The following PCGF3 variants were observed in gnomAD, a reference collection of about 807,000 sequenced individuals.
PCGF3 encodes the protein polycomb group RING finger protein 3.
A neutral mutation model predicts 33.1 loss-of-function variants in PCGF3; 7 were observed. The ratio of observed to expected loss-of-function variants is 0.21; its 90% CI spans 0.12 to 0.40. PCGF3 has a LOEUF of 0.40. Ranked by LOEUF, PCGF3 falls within the 10% of genes least tolerant of loss-of-function variation. The pLI is 1.00. For missense variants in PCGF3, 211 were observed against 313.3 expected (o/e 0.67, Z 2.46); for synonymous variants, 153 against 121.3 (o/e 1.26, Z -1.72).
intron 9 of PCGF3, among the ~76,000 whole-genome samples, chr4:763,936 T>G (rs1745210629): frequency 6.6e-6 from 1 of 152,158 alleles, no homozygotes; most frequent in South Asian, 2.1e-4. Context: ...TCCCTGTTAC[T>G]AAGTAGAGAA....
At chr4:744,663 A>C in exon 8 of PCGF3, 1 of 1,558,756 alleles carries the variant, frequency 6.4e-7, no homozygotes, top group South Asian at 1.2e-5. Context: ...GAGGAGGACA[A>C]CGACTACCAC....
chr4:739,860 G>A (rs1744010538), intron 6 of PCGF3, among the ~76,000 whole-genome samples: 1 of 152,230 alleles, frequency 6.6e-6, no homozygotes. Context: ...AGAGGTTCCG[G>A]AGTGCTCCAG....
chr4:764,145 G>A (rs1380809039), intron 9 of PCGF3, among the ~76,000 whole-genome samples: 2 of 152,288 alleles, frequency 1.3e-5, no homozygotes, highest in African/African-American at 2.4e-5. Flanking sequence ...CTCTGGACTC[G>A]GTGGAGGTGA....
intron 8 of PCGF3, among the ~76,000 whole-genome samples, chr4:758,355 G>C (rs1282368091): frequency 5.1e-5 from 7 of 136,030 alleles, no homozygotes; most frequent in Non-Finnish European, 9.4e-5. Context: ...CGGACTCCAG[G>C]TCTTTCTCCC....
intron 1 of PCGF3, among the ~76,000 whole-genome samples, chr4:712,701 C>T (rs995866556): frequency 6.6e-6 from 1 of 152,154 alleles, no homozygotes; most frequent in African/African-American, 2.4e-5. Flanking sequence ...CCGCCTTGGC[C>T]TCCCAAAGTG....
exon 11 of PCGF3, chr4:766,080 A>G (rs779063874): frequency 1.9e-6 from 3 of 1,613,828 alleles, no homozygotes; most frequent in Non-Finnish European, 1.7e-6. Context: ...CTTGCTGTGA[A>G]TGGTGCCACA....
intron 1 of PCGF3, among the ~76,000 whole-genome samples, chr4:728,390 G>A (rs1472142753): frequency 1.2e-4 from 18 of 151,722 alleles, no homozygotes; most frequent in Admixed American, 5.9e-4. Flanking sequence ...GTTAAGTGTC[G>A]TAAGTAATCT....
exon 11 of PCGF3, chr4:766,930 C>G (rs919688858): frequency 6.6e-6 from 1 of 152,288 alleles, no homozygotes; most frequent in Non-Finnish European, 1.5e-5. Flanking sequence ...CCTATGTTTT[C>G]TTTCCCTGTT....
chr4:731,420 C>T (rs1743553275), intron 3 of PCGF3: 2 of 369,250 alleles, frequency 5.4e-6, no homozygotes, highest in Admixed American at 9.3e-5. Context: ...GGCCTCAGCC[C>T]AGTGAGTTGT....
intron 8 of PCGF3, among the ~76,000 whole-genome samples, chr4:758,588 C>T (rs1356025038): frequency 7.1e-6 from 1 of 141,026 alleles, no homozygotes; most frequent in Non-Finnish European, 1.6e-5. Flanking sequence ...GGCCCCTCCC[C>T]CGAGTTCTTC....
intron 5 of PCGF3, among the ~76,000 whole-genome samples, chr4:736,000 G>A (rs1743806063): frequency 2.0e-5 from 3 of 152,218 alleles, no homozygotes; most frequent in Middle Eastern, 6.8e-3. Flanking sequence ...TTTGAAGGAG[G>A]AAAGGCAGAT....
intron 4 of PCGF3, chr4:734,613 T>G (rs1034909547): frequency 2.5e-6 from 3 of 1,187,334 alleles, no homozygotes; most frequent in Admixed American, 4.1e-5. Flanking sequence ...TAAAATTATC[T>G]GTTTTAGCCC....
At chr4:714,488 C>A (rs1248373917) in intron 1 of PCGF3, among the ~76,000 whole-genome samples, 1 of 152,214 alleles carries the variant, frequency 6.6e-6, no homozygotes, top group Non-Finnish European at 1.5e-5. Context: ...GACGGTGGCA[C>A]CTACTTCACG....
At chr4:748,769 C>G (rs576987059) in intron 8 of PCGF3, among the ~76,000 whole-genome samples, 291 of 152,292 alleles carry the variant, frequency 1.9e-3, no homozygotes, top group Non-Finnish European at 3.5e-3. Flanking sequence ...TGGAACCACG[C>G]TGTTTTTCTG....
At chr4:725,493 A>T (rs927647631) in intron 1 of PCGF3, among the ~76,000 whole-genome samples, 5 of 135,188 alleles carry the variant, frequency 3.7e-5, no homozygotes, top group African/African-American at 1.5e-4. Flanking sequence ...GTGAGGAGGG[A>T]GTAGGAACGG....
At chr4:754,433 G>C (rs763296741) in intron 8 of PCGF3, among the ~76,000 whole-genome samples, 35 of 152,354 alleles carry the variant, frequency 2.3e-4, no homozygotes, top group South Asian at 8.3e-4. Flanking sequence ...CGCAGCCGGC[G>C]TGGTGAGGGT....
exon 11 of PCGF3, chr4:767,493 C>T (rs958150555): frequency 6.6e-5 from 10 of 152,298 alleles, no homozygotes; most frequent in African/African-American, 2.4e-4. Context: ...CCTTGGGAGC[C>T]CAGGTGGTCC....
intron 1 of PCGF3, among the ~76,000 whole-genome samples, chr4:717,886 A>G (rs1476977150): frequency 6.6e-6 from 1 of 152,226 alleles, no homozygotes; most frequent in Admixed American, 6.5e-5. Flanking sequence ...TGGCAGGGCC[A>G]GGGCCTGACC....
chr4:713,532 T>C (rs1290186065), intron 1 of PCGF3, among the ~76,000 whole-genome samples: 1 of 91,310 alleles, frequency 1.1e-5, no homozygotes, highest in Non-Finnish European at 2.4e-5. Flanking sequence ...GCCTCATGGG[T>C]CCTGTGTGGC....
Sources: allele counts gnomAD v4.1 joint callset (sites outside exome capture counted in the v4.1 genomes callset), GRCh38; gene constraint gnomAD v4.1.1; transcripts MANE v1.5; gene names NCBI Gene and HGNC (gene_info 2026-07-23, HGNC 2026-07-21).